RBFOX1: variants seen among roughly 807,000 people sequenced by gnomAD.
RBFOX1 encodes the protein RNA binding fox-1 homolog 1.
RBFOX1 carries 8 observed loss-of-function variants against 57.7 expected under a neutral mutation model. The ratio of observed to expected loss-of-function variants is 0.14; its 90% CI spans 0.08 to 0.25. The LOEUF is 0.25. Among genes scored for constraint, RBFOX1 ranks in the 10% least tolerant of loss-of-function variants. The probability of loss-of-function intolerance (pLI) is 1.00; values close to 1 mark genes in which losing one functional copy is unlikely to be tolerated. For missense variants in RBFOX1, 611 were observed against 548.5 expected, an observed-to-expected ratio of 1.11 and a Z score of -1.14; for synonymous variants, 326 against 222.4, an observed-to-expected ratio of 1.47 and a Z score of -4.15.
intron 1 of RBFOX1, among the ~76,000 whole-genome samples, chr16:5,267,025 G>C (rs1198313022): frequency 7.9e-5 from 12 of 151,394 alleles, no homozygotes; most frequent in Non-Finnish European, 5.9e-5. Context: ...TCTGAAATGA[G>C]CACCAGGGGC....
chr16:5,404,765 A>G (rs2151447573), intron 1 of RBFOX1, among the ~76,000 whole-genome samples: 1 of 152,324 alleles, frequency 6.6e-6, no homozygotes, highest in Admixed American at 6.5e-5. Flanking sequence ...CCCATCATTT[A>G]GAAAGATGAG....
intron 2 of RBFOX1, among the ~76,000 whole-genome samples, chr16:6,641,640 C>G (rs1368000557): frequency 6.7e-6 from 1 of 149,726 alleles, no homozygotes; most frequent in African/African-American, 2.5e-5. Flanking sequence ...GAGGCTGAGA[C>G]GGGAGAATCA....
chr16:7,136,692 CG>C (rs1386901243), intron 4 of RBFOX1, among the ~76,000 whole-genome samples: 46 of 152,108 alleles, frequency 3.0e-4, no homozygotes, highest in African/African-American at 1.1e-3. Flanking sequence ...GTTGGGATTA[CG>C]GGTGTGAGTC....
Position 6,889,520 on chromosome 16 carries a change from C to T in RBFOX1, c.-15-162537C>T, listed in dbSNP as rs79109091. 4.7e-3 allele frequency among the ~76,000 whole-genome samples: 712 copies of T among 152,230 alleles called. 4 individuals carry two copies. Among genetic ancestry groups the T allele is most frequent in the African/African-American group, 0.016 (682 of 41,538 alleles). ...ATTTTGAGCTGTGTGTTGGGTTCTT[C>T]GTGACTGCAGTGTTACTCACCCTGT... On this transcript the variant is annotated intron_variant, in intron 3 of 15. Coordinates refer to ENST00000550418, the MANE Select transcript of RBFOX1 (RefSeq NM_018723.4).
intron 3 of RBFOX1, among the ~76,000 whole-genome samples, chr16:6,977,763 A>G (rs1489079214): frequency 2.0e-5 from 3 of 152,066 alleles, no homozygotes; most frequent in African/African-American, 7.2e-5. Flanking sequence ...TCTGAAGAAA[A>G]GAAAGAAAAA....
At chr16:7,650,309 C>T (rs2064749983) in intron 11 of RBFOX1, among the ~76,000 whole-genome samples, 2 of 134,526 alleles carry the variant, frequency 1.5e-5, no homozygotes, top group South Asian at 5.7e-4. Flanking sequence ...ACCTGTGGAA[C>T]TCTCTTTTTT....
chr16:7,518,705 T>A (rs1277384585), intron 5 of RBFOX1, among the ~76,000 whole-genome samples: 1 of 152,012 alleles, frequency 6.6e-6, no homozygotes, highest in African/African-American at 2.4e-5. Flanking sequence ...AAAAAAAAAA[T>A]TTGATGTAAG....
chr16:5,379,307 T>TC (rs1412523170), intron 1 of RBFOX1, among the ~76,000 whole-genome samples: 1 of 151,622 alleles, frequency 6.6e-6, no homozygotes, highest in Non-Finnish European at 1.5e-5. Flanking sequence ...TCGTTTTTTT[T>TC]CTCAGTTATT....
chr16:5,575,586 T>C (rs550274161), intron 2 of RBFOX1, among the ~76,000 whole-genome samples: 1 of 152,282 alleles, frequency 6.6e-6, no homozygotes, highest in East Asian at 1.9e-4. Flanking sequence ...ACACATCCCA[T>C]GCCAGCCAGG....
In RBFOX1 at chr16:7,062,892, C is replaced by CTTTTTTTTTTTTTT. The variant is rs1491558284; in HGVS notation, c.27+10794_27+10795insTTTTTTTTTTTTTT. On this transcript the variant is annotated intron_variant, in intron 4 of 15. Coordinates refer to ENST00000550418, the MANE Select transcript of RBFOX1 (RefSeq NM_018723.4). ...TACCTCATCTCATTCAAATGATCGC[C>CTTTTTTTTTTTTTT]ATTTTTTTTTTTTTTTTTTTTTTTT... Among the ~76,000 whole-genome samples the CTTTTTTTTTTTTTT allele has an allele frequency of 1.3e-4, 8 of 59,950 alleles. 2 individuals are homozygous for CTTTTTTTTTTTTTT. The highest frequency in any genetic ancestry group is 2.7e-4 in the African/African-American group (5 of 18,534). 39.3% of individuals were successfully genotyped at this position (59,950 alleles called of 152,430 possible).
chr16:6,963,125 T>C (rs1438355866), intron 3 of RBFOX1, among the ~76,000 whole-genome samples: 4 of 152,106 alleles, frequency 2.6e-5, no homozygotes, highest in African/African-American at 9.7e-5. Flanking sequence ...CACCTCTGGG[T>C]GCAGGACTCT....
At chr16:6,424,708 G>A (rs1040137652) in intron 2 of RBFOX1, among the ~76,000 whole-genome samples, 4 of 151,942 alleles carry the variant, frequency 2.6e-5, no homozygotes, top group Admixed American at 2.0e-4. Context: ...AGGGCTAAAA[G>A]CATAAGCAAC....
chr16:7,110,214 G>T (rs2064440939), intron 4 of RBFOX1, among the ~76,000 whole-genome samples: 1 of 148,398 alleles, frequency 6.7e-6, no homozygotes, highest in East Asian at 2.0e-4. Flanking sequence ...AGAAAAAATA[G>T]CCAGGTGTGG....
intron 3 of RBFOX1, among the ~76,000 whole-genome samples, chr16:5,828,725 T>G (rs2056163007): frequency 6.6e-6 from 1 of 151,882 alleles, no homozygotes; most frequent in Non-Finnish European, 1.5e-5. Flanking sequence ...AAATGGAACC[T>G]TGTCAAAGTT....
intron 3 of RBFOX1, among the ~76,000 whole-genome samples, chr16:5,793,437 T>G (rs1038371452): frequency 2.6e-5 from 4 of 152,256 alleles, no homozygotes; most frequent in African/African-American, 9.6e-5. Context: ...CCCGTTGGCA[T>G]GGGTGCTGGG....
chr16:5,869,426 G>A (rs1441289719), intron 4 of RBFOX1, among the ~76,000 whole-genome samples: 1 of 152,102 alleles, frequency 6.6e-6, no homozygotes, highest in Non-Finnish European at 1.5e-5. Context: ...ATTTTTAGAT[G>A]GGGACTCTCC....
chr16:6,482,024 C>G (rs1192215937), intron 2 of RBFOX1, among the ~76,000 whole-genome samples: 1 of 152,084 alleles, frequency 6.6e-6, no homozygotes, highest in African/African-American at 2.4e-5. Context: ...AATATTGCCT[C>G]TAGATATGAA....
intron 4 of RBFOX1, among the ~76,000 whole-genome samples, chr16:7,127,593 CATG>C (rs2068948097): frequency 6.6e-6 from 1 of 152,086 alleles, no homozygotes; most frequent in South Asian, 2.1e-4. Flanking sequence ...CATTCTGTAT[CATG>C]GTGTGAATAA....
At chr16:7,483,217 C>G (rs994941859) in intron 4 of RBFOX1, among the ~76,000 whole-genome samples, 38 of 152,206 alleles carry the variant, frequency 2.5e-4, no homozygotes, top group African/African-American at 8.7e-4. Context: ...ATAGACTCAT[C>G]AAACTATTTT....
Sources: gnomAD v4.1 joint callset for allele counts (sites outside exome capture counted in the v4.1 genomes callset) on GRCh38, gnomAD v4.1.1 for gene constraint, MANE v1.5 for transcripts, NCBI Gene and HGNC (gene_info 2026-07-23, HGNC 2026-07-21) for gene names.